EPM2A: variants seen among roughly 807,000 people sequenced by gnomAD.
EPM2A encodes the protein laforin.
A neutral mutation model predicts 26.5 loss-of-function variants in EPM2A; 21 were observed. The observed-to-expected ratio is 0.79, with a 90% CI of 0.56 to 1.14. EPM2A has a LOEUF of 1.14. EPM2A is among the 50% of genes most tolerant of loss of function. The pLI is 0.00. For missense variants in EPM2A, 458 were observed against 440.8 expected (o/e 1.04, Z -0.35); for synonymous variants, 217 against 177.6 (o/e 1.22, Z -1.76).
At chr6:145,539,828 A>AT (rs1161769255) in intron 2 of EPM2A, among the ~76,000 whole-genome samples, 1 of 152,088 alleles carries the variant, frequency 6.6e-6, no homozygotes, top group Non-Finnish European at 1.5e-5. Flanking sequence ...ATAGTAAACA[A>AT]TTCACCCCTA....
At chr6:145,398,203 C>T (rs570641626) in intron 4 of EPM2A, among the ~76,000 whole-genome samples, 5 of 152,294 alleles carry the variant, frequency 3.3e-5, no homozygotes, top group African/African-American at 1.2e-4. Context: ...TCTTCTGCAA[C>T]AGTCAGAATC....
chr6:145,489,562 C>A lies in EPM2A; in HGVS notation c.555+12960G>T. On this transcript the variant is annotated intron_variant, in intron 4 of 4. Transcript: ENST00000638717. ...GTCCACTTGTCTGTTAGCTTAAGGA[C>A]AGTCATACTGCCCATAATCCGTTCA... 1.1e-5 allele frequency: 8 copies of A among 758,516 alleles called. No individual in the cohort carries two copies. The South Asian group carries it at 1.5e-4, about 14-fold the overall frequency. The allele number at this position is 758,516 out of a possible 1,614,324, so 47.0% of individuals were successfully genotyped here. A position where few individuals can be genotyped will look rare whatever the true frequency, so the allele number is the denominator to read the frequency against.
intron 1 of EPM2A, among the ~76,000 whole-genome samples, chr6:145,704,692 C>A (rs749057185): frequency 6.6e-6 from 1 of 152,196 alleles, no homozygotes; most frequent in African/African-American, 2.4e-5. Context: ...ACACCTCCAT[C>A]TTTGTCCAAA....
chr6:145,461,469 A>G (rs936710907), intron 4 of EPM2A, among the ~76,000 whole-genome samples: 1 of 152,140 alleles, frequency 6.6e-6, no homozygotes, highest in Non-Finnish European at 1.5e-5. Context: ...GAGAGACACA[A>G]CCTGTTCTTT....
intron 4 of EPM2A, among the ~76,000 whole-genome samples, chr6:145,478,932 CT>C (rs1779578646): frequency 6.6e-6 from 1 of 151,592 alleles, no homozygotes; most frequent in Non-Finnish European, 1.5e-5. Context: ...GTATGTTATA[CT>C]ATGTGCTTGT....
chr6:145,522,784 A>C (rs1780220124), intron 2 of EPM2A, among the ~76,000 whole-genome samples: 2 of 152,250 alleles, frequency 1.3e-5, no homozygotes, highest in South Asian at 4.1e-4. Flanking sequence ...CCTTTTGCTA[A>C]TTACCAGCAC....
chr6:145,696,604 C>T lies in EPM2A; in HGVS notation c.302-10308G>A, dbSNP rs117651605. Among the ~76,000 whole-genome samples the T allele has an allele frequency of 4.1e-3, 626 of 151,892 alleles. 18 individuals are homozygous for T. In the East Asian group the frequency reaches 0.07, roughly 17 times the overall value. ...AGGAATTATAAAGACAAATAAGTAA[C>T]CCATACAGCAATGATTAAAACAGGT... is the stretch of plus-strand genomic sequence containing the variant. On this transcript the variant is annotated intron_variant, in intron 1 of 3. Transcript: ENST00000367519.
chr6:145,486,342 G>T (rs1402579333), intron 4 of EPM2A, among the ~76,000 whole-genome samples: 1 of 152,214 alleles, frequency 6.6e-6, no homozygotes, highest in East Asian at 1.9e-4. Flanking sequence ...ATATTTAAGG[G>T]CTACAACATG....
intron 1 of EPM2A, chr6:145,721,107 G>A (rs1457358174): frequency 2.6e-5 from 4 of 152,296 alleles, no homozygotes; most frequent in African/African-American, 9.7e-5. Context: ...AGGCTGCAGT[G>A]AGCCAAGATC....
intron 2 of EPM2A, among the ~76,000 whole-genome samples, chr6:145,669,125 T>G (rs949975053): frequency 6.6e-6 from 1 of 152,082 alleles, no homozygotes; most frequent in African/African-American, 2.4e-5. Flanking sequence ...GAACAATAAG[T>G]CTTCATGACA....
intron 2 of EPM2A, among the ~76,000 whole-genome samples, chr6:145,619,639 G>C (rs575315447): frequency 2.0e-5 from 3 of 152,110 alleles, no homozygotes; most frequent in African/African-American, 7.2e-5. Context: ...ATGGGGTGGA[G>C]TGGTAATCAT....
intron 4 of EPM2A, among the ~76,000 whole-genome samples, chr6:145,445,396 C>T (rs1779117298): frequency 6.6e-6 from 1 of 152,140 alleles, no homozygotes; most frequent in East Asian, 1.9e-4. Context: ...TCCAGGTAGT[C>T]ATCATATACA....
At chr6:145,700,751 G>C (rs1437559076) in intron 1 of EPM2A, among the ~76,000 whole-genome samples, 2 of 152,120 alleles carry the variant, frequency 1.3e-5, no homozygotes, top group Non-Finnish European at 2.9e-5. Flanking sequence ...CAGCTAGCTA[G>C]GTAAACATGC....
intron 4 of EPM2A, among the ~76,000 whole-genome samples, chr6:145,493,402 T>A (rs1236069982): frequency 2.0e-5 from 3 of 152,196 alleles, no homozygotes; most frequent in Non-Finnish European, 4.4e-5. Context: ...TATGTTGGAA[T>A]TTTCTAGATA....
chr6:145,468,238 G>C (rs1407492811), intron 4 of EPM2A, among the ~76,000 whole-genome samples: 1 of 152,024 alleles, frequency 6.6e-6, no homozygotes, highest in Non-Finnish European at 1.5e-5. Context: ...TCAGAGGACA[G>C]TCATATTTCT....
chr6:145,576,582 G>T (rs1781035123), intron 2 of EPM2A, among the ~76,000 whole-genome samples: 1 of 152,150 alleles, frequency 6.6e-6, no homozygotes, highest in Non-Finnish European at 1.5e-5. Flanking sequence ...GAGAAATAAA[G>T]ACTTTCCCAG....
intron 2 of EPM2A, among the ~76,000 whole-genome samples, chr6:145,677,469 A>G (rs531780476): frequency 1.3e-5 from 2 of 152,328 alleles, no homozygotes; most frequent in East Asian, 3.9e-4. Flanking sequence ...AGGGTATTCA[A>G]TTAGGAAAAG....
intron 2 of EPM2A, among the ~76,000 whole-genome samples, chr6:145,598,552 G>A (rs568108320): frequency 1.3e-5 from 2 of 152,136 alleles, no homozygotes; most frequent in Non-Finnish European, 2.9e-5. Flanking sequence ...TCATTCTCTA[G>A]GTTGTCTGTT....
At chr6:145,575,222 G>T (rs569942419) in intron 2 of EPM2A, among the ~76,000 whole-genome samples, 62 of 152,240 alleles carry the variant, frequency 4.1e-4, no homozygotes, top group African/African-American at 1.3e-3. Context: ...TGGGGATGGG[G>T]AAGCTGTTTA....
Sources: gnomAD v4.1 joint callset for allele counts (sites outside exome capture counted in the v4.1 genomes callset) on GRCh38, gnomAD v4.1.1 for gene constraint, MANE v1.5 for transcripts, NCBI Gene and HGNC (gene_info 2026-07-23, HGNC 2026-07-21) for gene names.